PAWR: variants seen among roughly 807,000 people sequenced by gnomAD.
PAWR encodes the protein pro-apoptotic WT1 regulator, also known as PRKC apoptosis WT1 regulator protein.
Under a neutral mutation model 32.0 loss-of-function variants are expected in PAWR, and 23 were observed. That is an observed-to-expected ratio of 0.72 (90% CI 0.52 to 1.02). The LOEUF is 1.02. Ranked by LOEUF, PAWR falls within the 50% of genes least tolerant of loss-of-function variation. PAWR has a pLI of 0.00. For synonymous variants in PAWR, 226 were observed against 187.1 expected, an observed-to-expected ratio of 1.21 and a Z score of -1.70; for missense variants, 457 against 437.7, an observed-to-expected ratio of 1.04 and a Z score of -0.39.
At chr12:79,677,158 G>GT (rs1273118693) in intron 2 of PAWR, among the ~76,000 whole-genome samples, 2 of 151,826 alleles carry the variant, frequency 1.3e-5, no homozygotes, top group Non-Finnish European at 2.9e-5. Context: ...TAACAAGGTA[G>GT]TAAATGTATG....
chr12:79,684,624 A>AG (rs1178143075), intron 2 of PAWR, among the ~76,000 whole-genome samples: 23 of 152,238 alleles, frequency 1.5e-4, no homozygotes, highest in Non-Finnish European at 2.8e-4. Context: ...CCTCAAAAAA[A>AG]AAAGAAAGAA....
At chr12:79,639,831 T>TCCTTTCCCTTTCCCATTC (rs879765629) in intron 2 of PAWR, among the ~76,000 whole-genome samples, 1 of 126,430 alleles carries the variant, frequency 7.9e-6, no homozygotes, top group African/African-American at 3.9e-5. Context: ...CTTTTCCTTT[T>TCCTTTCCCTTTCCCATTC]CCATTCCTAT....
intron 2 of PAWR, among the ~76,000 whole-genome samples, chr12:79,655,472 C>T (rs1196133751): frequency 1.3e-5 from 2 of 152,146 alleles, no homozygotes; most frequent in Non-Finnish European, 2.9e-5. Flanking sequence ...ACTAGTTTTA[C>T]CAAAATATCA....
intron 2 of PAWR, among the ~76,000 whole-genome samples, chr12:79,640,598 GGGTAT>G (rs1331405589): frequency 2.0e-5 from 3 of 151,988 alleles, no homozygotes; most frequent in Admixed American, 6.6e-5. Context: ...AAAATTAGCC[GGGTAT>G]GGTGGTGTGC....
At chr12:79,640,126 C>T (rs1428805731) in intron 2 of PAWR, among the ~76,000 whole-genome samples, 1 of 152,080 alleles carries the variant, frequency 6.6e-6, no homozygotes, top group Non-Finnish European at 1.5e-5. Context: ...GCTTGTCGAA[C>T]TCCTGACCTC....
In PAWR at chr12:79,591,971, C is replaced by T. The variant is rs1873571386; in HGVS notation, c.*636G>A. 6.6e-6 allele frequency: 1 copy of T among 152,460 alleles called. No homozygotes were observed. Among genetic ancestry groups the T allele is most frequent in the East Asian group, 1.9e-4 (1 of 5,188 alleles). 9.4% of individuals were successfully genotyped at this position (152,460 alleles called of 1,614,324 possible). A position where few individuals can be genotyped will look rare whatever the true frequency, so the allele number is the denominator to read the frequency against. ...GTGATTCAATTTTTCAATATTCAAA[C>T]ACAAAATAGTAAATTTTTATTTACT... is the stretch of plus-strand genomic sequence containing the variant. On this transcript the variant is annotated 3_prime_UTR_variant, in exon 7 of 7. Transcript: ENST00000328827.
At chr12:79,637,821 A>T (rs1876034594) in intron 2 of PAWR, among the ~76,000 whole-genome samples, 1 of 152,148 alleles carries the variant, frequency 6.6e-6, no homozygotes, top group Non-Finnish European at 1.5e-5. Flanking sequence ...AAAAAAAGAA[A>T]AAAGAAAAAT....
chr12:79,625,827 AC>A (rs1875273917), intron 2 of PAWR, among the ~76,000 whole-genome samples: 2 of 150,050 alleles, frequency 1.3e-5, no homozygotes, highest in Non-Finnish European at 3.0e-5. Flanking sequence ...CTCAAAAAAA[AC>A]AAAACAAAAA....
At chr12:79,666,817 C>G (rs1317500074) in intron 2 of PAWR, among the ~76,000 whole-genome samples, 1 of 152,110 alleles carries the variant, frequency 6.6e-6, no homozygotes, top group Non-Finnish European at 1.5e-5. Flanking sequence ...CTCATACATA[C>G]AGTGATATTT....
chr12:79,612,346 C>T (rs1874479104), intron 4 of PAWR, among the ~76,000 whole-genome samples: 1 of 152,122 alleles, frequency 6.6e-6, no homozygotes, highest in South Asian at 2.1e-4. Flanking sequence ...CTAATAAATA[C>T]TGTAGCCCAT....
At chr12:79,618,198 A>G (rs913217393) in intron 3 of PAWR, among the ~76,000 whole-genome samples, 1 of 151,996 alleles carries the variant, frequency 6.6e-6, no homozygotes, top group African/African-American at 2.4e-5. Context: ...GTGTGATCTC[A>G]GCTGACTGCA....
At chr12:79,613,546 C>CA in intron 4 of PAWR, 29 bp downstream of exon 4, 1 of 1,282,894 alleles carries the variant, frequency 7.8e-7, no homozygotes. Flanking sequence ...TTCATGTCTA[C>CA]AATATGTTTA....
At chr12:79,632,353 A>AT (rs1566011162) in intron 2 of PAWR, among the ~76,000 whole-genome samples, 2 of 19,598 alleles carry the variant, frequency 1.0e-4, no homozygotes, top group African/African-American at 3.1e-4. Context: ...ATATATATAT[A>AT]TATATATATT....
At chr12:79,603,780 T>G (rs1874058403) in intron 4 of PAWR, 1 of 151,064 alleles carries the variant, frequency 6.6e-6, no homozygotes, top group Non-Finnish European at 1.5e-5. Context: ...AGTCAAGTGA[T>G]TCTCCTGCCT....
At chr12:79,601,776 T>C (rs1017804243) in intron 4 of PAWR, among the ~76,000 whole-genome samples, 3 of 152,224 alleles carry the variant, frequency 2.0e-5, no homozygotes, top group Non-Finnish European at 2.9e-5. Flanking sequence ...CACCGTGTGA[T>C]ACAGAGATTC....
At chr12:79,659,360 A>G (rs1214945142) in intron 2 of PAWR, among the ~76,000 whole-genome samples, 5 of 152,266 alleles carry the variant, frequency 3.3e-5, no homozygotes, top group African/African-American at 1.2e-4. Context: ...TGGCAGGGGC[A>G]TTTTAGACAT....
chr12:79,642,578 T>C (rs917993124), intron 2 of PAWR, among the ~76,000 whole-genome samples: 16 of 152,286 alleles, frequency 1.1e-4, no homozygotes, highest in Admixed American at 1.0e-3. Context: ...GCCTTTTTTC[T>C]GTGTGTGTGC....
At chr12:79,619,947 G>C (rs578021247) in intron 3 of PAWR, among the ~76,000 whole-genome samples, 26 of 152,190 alleles carry the variant, frequency 1.7e-4, no homozygotes, top group Non-Finnish European at 2.9e-4. Flanking sequence ...TACAGGTACA[G>C]TGGCAGATCA....
chr12:79,624,300 A>G (rs1193219044), intron 2 of PAWR, among the ~76,000 whole-genome samples: 2 of 151,914 alleles, frequency 1.3e-5, no homozygotes, highest in Non-Finnish European at 2.9e-5. Flanking sequence ...CCTCAACTAG[A>G]CTCCCTTACC....
Sources: gnomAD v4.1 joint callset for allele counts (sites outside exome capture counted in the v4.1 genomes callset) on GRCh38, gnomAD v4.1.1 for gene constraint, MANE v1.5 for transcripts, NCBI Gene and HGNC (gene_info 2026-07-23, HGNC 2026-07-21) for gene names.